Variants in DRC2 observed in about 807,000 individuals in gnomAD.
DRC2 encodes coiled-coil domain containing 65.
At chr12:48,906,973 T>A in the DRC2 span, among the ~76,000 whole-genome samples, 9 of 151,540 alleles carry the variant, frequency 5.9e-5, no homozygotes, top group Non-Finnish European at 1.3e-4. Context: ...CCCAGCACTT[T>A]GGGAGGCTGA....
chr12:48,921,011 G>A, the DRC2 span: 1 of 1,613,968 alleles, frequency 6.2e-7, no homozygotes, highest in Non-Finnish European at 8.5e-7. Context: ...TTATTCATCA[G>A]TATTGACTCC....
At chr12:48,921,017 ACTC>A in the DRC2 span, 2 of 1,613,636 alleles carry the variant, frequency 1.2e-6, no homozygotes, top group African/African-American at 2.7e-5. Context: ...ATCAGTATTG[ACTC>A]CTAAGGAGCA....
chr12:48,904,834 A>C, the DRC2 span: 2 of 874,850 alleles, frequency 2.3e-6, no homozygotes. Context: ...AAATGCCATC[A>C]GGCCGTTCCC....
the DRC2 span, among the ~76,000 whole-genome samples, chr12:48,916,306 C>T: frequency 9.2e-5 from 14 of 152,216 alleles, no homozygotes; most frequent in Non-Finnish European, 8.8e-5. Context: ...CCAGCCTGGG[C>T]GCCATTGAGC....
chr12:48,905,061 TC>T, the DRC2 span: 1 of 1,613,954 alleles, frequency 6.2e-7, no homozygotes, highest in East Asian at 2.2e-5. Context: ...GACATTGAGA[TC>T]CTCAGCCAAA....
chr12:48,919,105 G>A, the DRC2 span, among the ~76,000 whole-genome samples: 1 of 152,114 alleles, frequency 6.6e-6, no homozygotes, highest in Non-Finnish European at 1.5e-5. Context: ...TACAGATGGG[G>A]TCTCACTGTG....
At chr12:48,918,773 T>C in the DRC2 span, 1 of 1,614,094 alleles carries the variant, frequency 6.2e-7, no homozygotes, top group Non-Finnish European at 8.5e-7. Flanking sequence ...GACAAGGAAT[T>C]GGTCCTTGTA....
the DRC2 span, among the ~76,000 whole-genome samples, chr12:48,916,487 G>A: frequency 2.0e-5 from 3 of 152,114 alleles, no homozygotes; most frequent in Non-Finnish European, 4.4e-5. Flanking sequence ...GCAATCGCAG[G>A]CACTCGGCAG....
the DRC2 span, chr12:48,914,692 G>A: frequency 0.41 from 355,594 of 867,758 alleles, 76,088 homozygotes; most frequent in Admixed American, 0.52. Context: ...TGATTATCAC[G>A]GGACCCCCAG....
the DRC2 span, chr12:48,918,784 C>A: frequency 6.2e-7 from 1 of 1,614,058 alleles, no homozygotes; most frequent in Non-Finnish European, 8.5e-7. Flanking sequence ...GGTCCTTGTA[C>A]AACTGCGAAA....
At chr12:48,912,414 G>A in the DRC2 span, among the ~76,000 whole-genome samples, 1 of 104,890 alleles carries the variant, frequency 9.5e-6, no homozygotes, top group Non-Finnish European at 1.8e-5. Context: ...CTCCAGCCTG[G>A]GCAACAGAGC....
chr12:48,907,815 A>T, the DRC2 span, among the ~76,000 whole-genome samples: 257 of 152,242 alleles, frequency 1.7e-3, no homozygotes, highest in Non-Finnish European at 2.8e-3. Flanking sequence ...CTGGGACATA[A>T]ATCAGTCACT....
chr12:48,920,552 C>T, the DRC2 span, among the ~76,000 whole-genome samples: 14 of 136,218 alleles, frequency 1.0e-4, no homozygotes, highest in East Asian at 2.3e-4. Context: ...GACAGGGTCT[C>T]GCTCAGTTGC....
chr12:48,904,593 T>A, the DRC2 span: 11 of 1,347,246 alleles, frequency 8.2e-6, no homozygotes, highest in Non-Finnish European at 3.0e-6. Context: ...CCAGATATAC[T>A]TAGATTTCAG....
chr12:48,906,659 G>A, the DRC2 span, among the ~76,000 whole-genome samples: 1 of 151,732 alleles, frequency 6.6e-6, no homozygotes, highest in Non-Finnish European at 1.5e-5. Context: ...TCTGCCTCCT[G>A]GGTTCAAGCG....
the DRC2 span, chr12:48,904,178 GA>G: frequency 1.1e-6 from 1 of 884,042 alleles, no homozygotes; most frequent in East Asian, 2.6e-5. Context: ...GATAGCCGGG[GA>G]TCTCTCCTGT....
chr12:48,904,900 C>T, the DRC2 span: 5 of 1,488,890 alleles, frequency 3.4e-6, no homozygotes, highest in Non-Finnish European at 3.6e-6. Context: ...GTTTGTTGTA[C>T]TGAAAGGCCC....
the DRC2 span, among the ~76,000 whole-genome samples, chr12:48,911,137 C>T: frequency 3.9e-5 from 6 of 152,288 alleles, no homozygotes; most frequent in East Asian, 1.2e-3. Flanking sequence ...GATTTAGATG[C>T]TTAGCGATGT....
chr12:48,906,018 G>A, the DRC2 span, among the ~76,000 whole-genome samples: 5 of 152,114 alleles, frequency 3.3e-5, no homozygotes, highest in African/African-American at 1.2e-4. Flanking sequence ...TGACCCACCC[G>A]CCTTGGCCTC....
Sources: allele counts gnomAD v4.1 joint callset (sites outside exome capture counted in the v4.1 genomes callset), GRCh38; gene constraint gnomAD v4.1.1; transcripts MANE v1.5; gene names NCBI Gene and HGNC (gene_info 2026-07-23, HGNC 2026-07-21).